RAD51B: variants seen among roughly 807,000 people sequenced by gnomAD.
The protein encoded by RAD51B is DNA repair protein RAD51 homolog 2.
A neutral mutation model predicts 42.2 loss-of-function variants in RAD51B; 38 were observed. That is an observed-to-expected ratio of 0.90 (90% CI 0.70 to 1.18). The LOEUF is 1.18. Among genes scored for constraint, RAD51B ranks in the 50% most tolerant of loss-of-function variants. RAD51B has a pLI of 0.00. For synonymous variants in RAD51B, 154 were observed against 145.2 expected, an observed-to-expected ratio of 1.06 and a Z score of -0.43; for missense variants, 373 against 400.7, an observed-to-expected ratio of 0.93 and a Z score of 0.59.
intron 7 of RAD51B, among the ~76,000 whole-genome samples, chr14:67,901,615 C>T (rs1450878284): frequency 6.6e-6 from 1 of 152,050 alleles, no homozygotes; most frequent in Non-Finnish European, 1.5e-5. Context: ...CAGCATGACG[C>T]AGTAGAAGGT....
chr14:68,326,000 A>C (rs2082241068), intron 8 of RAD51B, among the ~76,000 whole-genome samples: 1 of 147,430 alleles, frequency 6.8e-6, no homozygotes, highest in Non-Finnish European at 1.5e-5. Flanking sequence ...ATCTTTTATT[A>C]AATACTAATT....
chr14:68,094,917 C>A (rs7151235), intron 7 of RAD51B, among the ~76,000 whole-genome samples: 42,482 of 152,092 alleles, frequency 0.28, 8,680 homozygotes, highest in African/African-American at 0.58. Flanking sequence ...TTTTGTGATA[C>A]ACAGGAATTT....
intron 7 of RAD51B, among the ~76,000 whole-genome samples, chr14:67,980,199 C>T (rs1212919213): frequency 1.3e-5 from 2 of 151,998 alleles, no homozygotes; most frequent in Non-Finnish European, 2.9e-5. Flanking sequence ...GATAACAGCA[C>T]TTTGGGAGGC....
At position 67,905,663 on chromosome 14, in the gene RAD51B, G is replaced by T. The variant is rs149884828; in HGVS notation, c.756+18459G>T. Among the ~76,000 whole-genome samples the T allele has an allele frequency of 6.9e-3, 1,052 of 151,892 alleles. 16 individuals are homozygous for T. The highest frequency in any genetic ancestry group is 0.024 in the African/African-American group (986 of 41,396). The stretch of plus-strand genomic sequence containing the variant: ...AGCTGTGTTCCTAGGTACTTTTTTT[G>T]TGTGTGTGGCTATTGTGAATAGGAT... On this transcript the variant is annotated intron_variant, in intron 7 of 10. Transcript: ENST00000471583.
chr14:68,563,751 GA>G, intron 10 of RAD51B: 1 of 985,310 alleles, frequency 1.0e-6, no homozygotes, highest in Non-Finnish European at 1.2e-6. Context: ...GTGGGGAGAG[GA>G]CTGTATAAAC....
chr14:68,403,359 C>A (rs773970309), intron 8 of RAD51B, among the ~76,000 whole-genome samples: 2 of 151,686 alleles, frequency 1.3e-5, no homozygotes, highest in South Asian at 4.2e-4. Context: ...AAAGTTGACC[C>A]TTTTGCTGCA....
chr14:68,610,663 T>C (rs1466575789), intron 10 of RAD51B, among the ~76,000 whole-genome samples: 1 of 152,202 alleles, frequency 6.6e-6, no homozygotes, highest in African/African-American at 2.4e-5. Context: ...GTCCCTCTTT[T>C]TGTTCGCCTG....
chr14:68,540,191 T>TTTA (rs1555424492), intron 10 of RAD51B: 4 of 874,372 alleles, frequency 4.6e-6, no homozygotes, highest in Non-Finnish European at 5.4e-6. Context: ...TTTTTTTTTT[T>TTTA]AAATACAGGA....
rs76168417 is a variant in RAD51B at position 68,349,929 on chromosome 14, C to G, written c.853+57949C>G. 7.2e-3 allele frequency among the ~76,000 whole-genome samples: 1,093 copies of G among 152,272 alleles called. 9 individuals carry two copies. Among genetic ancestry groups the G allele is most frequent in the African/African-American group, 0.023 (950 of 41,546 alleles). ...AAAACTATAAAATTACACATAGATG[C>G]AAGCTTGTGTGTATTCTGCAGTTCA... On this transcript the variant is annotated intron_variant, in intron 8 of 10. Transcript: ENST00000471583.
chr14:68,257,782 G>T (rs541926988), intron 7 of RAD51B, among the ~76,000 whole-genome samples: 2 of 152,054 alleles, frequency 1.3e-5, no homozygotes, highest in East Asian at 3.9e-4. Flanking sequence ...GATTGTTTTT[G>T]ACATCTTAAC....
intron 11 of RAD51B, among the ~76,000 whole-genome samples, chr14:68,651,987 TG>T (rs1397094811): frequency 4.6e-5 from 7 of 152,150 alleles, no homozygotes; most frequent in Admixed American, 1.3e-4. Context: ...CATCTGGGAA[TG>T]GGGGCATGAG....
chr14:68,320,867 A>G (rs574929352), intron 8 of RAD51B, among the ~76,000 whole-genome samples: 2 of 152,320 alleles, frequency 1.3e-5, no homozygotes, highest in South Asian at 2.1e-4. Context: ...ACTGTGGGCT[A>G]TGGACCCAAA....
At chr14:67,899,296 A>T (rs903584216) in intron 7 of RAD51B, among the ~76,000 whole-genome samples, 1 of 151,422 alleles carries the variant, frequency 6.6e-6, no homozygotes, top group Non-Finnish European at 1.5e-5. Context: ...TGATCTGCCC[A>T]CCTTGGCCTC....
At chr14:68,381,800 A>G (rs1594756252) in intron 8 of RAD51B, among the ~76,000 whole-genome samples, 1 of 152,332 alleles carries the variant, frequency 6.6e-6, no homozygotes, top group East Asian at 1.9e-4. Flanking sequence ...GAAAATCACC[A>G]ATTGAGTCTC....
chr14:68,577,070 G>C (rs1017580705), intron 10 of RAD51B, among the ~76,000 whole-genome samples: 3 of 152,200 alleles, frequency 2.0e-5, no homozygotes, highest in Non-Finnish European at 4.4e-5. Context: ...TGAACAGAAG[G>C]TGCTTACAAG....
At chr14:68,372,580 A>G (rs1397098347) in intron 8 of RAD51B, among the ~76,000 whole-genome samples, 1 of 152,190 alleles carries the variant, frequency 6.6e-6, no homozygotes, top group Non-Finnish European at 1.5e-5. Context: ...CATTACCCTA[A>G]GAATGGAGTA....
chr14:68,240,437 A>G (rs2141000826), intron 7 of RAD51B, among the ~76,000 whole-genome samples: 1 of 152,358 alleles, frequency 6.6e-6, no homozygotes, highest in African/African-American at 2.4e-5. Context: ...GAGGTGCCTT[A>G]CTAATCAATT....
At chr14:68,038,677 G>A (rs2076170959) in intron 7 of RAD51B, among the ~76,000 whole-genome samples, 1 of 152,128 alleles carries the variant, frequency 6.6e-6, no homozygotes, top group African/African-American at 2.4e-5. Flanking sequence ...TTGGGTGGTA[G>A]CAACAATGTG....
intron 4 of RAD51B, among the ~76,000 whole-genome samples, chr14:67,861,184 C>T (rs183213082): frequency 1.4e-5 from 2 of 147,930 alleles, no homozygotes; most frequent in Non-Finnish European, 3.0e-5. Flanking sequence ...CAGAGCGAGA[C>T]CCTGTCACAA....
Sources: allele counts gnomAD v4.1 joint callset (sites outside exome capture counted in the v4.1 genomes callset), GRCh38; gene constraint gnomAD v4.1.1; transcripts MANE v1.5; gene names NCBI Gene and HGNC (gene_info 2026-07-23, HGNC 2026-07-21).